Variants in CELF1 observed in about 807,000 individuals in gnomAD.
CELF1 encodes the protein 50 kDa nuclear polyadenylated RNA-binding protein.
In CELF1, 10 loss-of-function variants were observed where a neutral mutation model predicts 61.8. That is an observed-to-expected ratio of 0.16 (90% CI 0.10 to 0.27). The LOEUF is 0.27. Among genes scored for constraint, CELF1 ranks in the 10% least tolerant of loss-of-function variants. CELF1 has a pLI of 1.00. For missense variants in CELF1, 380 were observed against 639.1 expected (o/e 0.59, Z 4.37); for synonymous variants, 236 against 225.1 (o/e 1.05, Z -0.43).
rs2077314192 is a variant in CELF1 at position 47,469,919 on chromosome 11, G to A, written c.*2311C>T. ...CGGAGAGAAGAAGGGGATGTGGGAA[G>A]GGAGTGGCGTTCTGGCTAAGGAGGA... On this transcript the variant is annotated 3_prime_UTR_variant, in exon 15 of 15. Coordinates refer to ENST00000687097, the MANE Select transcript of CELF1 (RefSeq NM_001376376.1). The A allele has an allele frequency of 6.6e-6, 1 of 152,364 alleles. No homozygotes were observed. Among genetic ancestry groups the A allele is most frequent in the African/African-American group, 2.4e-5 (1 of 41,428 alleles). 9.4% of individuals were successfully genotyped at this position (152,364 alleles called of 1,614,324 possible).
chr11:47,537,309 G>A (rs1185292692), intron 1 of CELF1, among the ~76,000 whole-genome samples: 5 of 148,944 alleles, frequency 3.4e-5, no homozygotes, highest in East Asian at 2.0e-4. Context: ...GTGCAGTGGC[G>A]CCATCTTGGC....
intron 7 of CELF1, 109 bp downstream of exon 7, chr11:47,484,280 A>C: frequency 8.3e-7 from 1 of 1,205,284 alleles, no homozygotes; most frequent in Non-Finnish European, 1.2e-6. Context: ...GCACCACTGC[A>C]CTCCAGCCTG....
intron 1 of CELF1, chr11:47,513,624 T>A (rs2095371423): frequency 6.6e-6 from 1 of 151,782 alleles, no homozygotes; most frequent in South Asian, 2.1e-4. Flanking sequence ...CACGCCTAAT[T>A]TTTTGTATTT....
intron 1 of CELF1, among the ~76,000 whole-genome samples, chr11:47,505,848 T>C (rs1209185279): frequency 1.3e-5 from 2 of 148,988 alleles, no homozygotes; most frequent in African/African-American, 2.5e-5. Flanking sequence ...GGCACGAGAA[T>C]TGCCTGAACC....
At chr11:47,518,156 T>G (rs2095658889) in intron 1 of CELF1, among the ~76,000 whole-genome samples, 2 of 152,264 alleles carry the variant, frequency 1.3e-5, no homozygotes, top group South Asian at 4.1e-4. Flanking sequence ...ATTTTTTTCC[T>G]GCTTTGCCTG....
Position 47,477,125 on chromosome 11 carries a change from A to G in CELF1, c.974-166T>C, listed in dbSNP as rs1596168595. On this transcript the variant is annotated intron_variant, in intron 11 of 14. Coordinates refer to ENST00000687097, the MANE Select transcript of CELF1 (RefSeq NM_001376376.1). ...ACAAATAATGGCCACAGCACATTGAAAATCAGGAAGATTTCTCTTAAGTAC... is the reference window on the plus strand; with the variant it reads ...ACAAATAATGGCCACAGCACATTGAGAATCAGGAAGATTTCTCTTAAGTAC... 5.6e-6 allele frequency: 5 copies of G among 893,728 alleles called. No individual in the cohort carries two copies. The East Asian group carries it at 1.3e-4, about 23-fold the overall frequency. The allele number at this position is 893,728 out of a possible 1,614,324, so 55.4% of individuals were successfully genotyped here. A position where few individuals can be genotyped will look rare whatever the true frequency, so the allele number is the denominator to read the frequency against.
chr11:47,524,835 A>G (rs1230560441), intron 1 of CELF1: 2 of 152,238 alleles, frequency 1.3e-5, no homozygotes, highest in Non-Finnish European at 2.9e-5. Context: ...TGAAAGCCCA[A>G]TTATCTCACA....
upstream of CELF1, among the ~76,000 whole-genome samples, chr11:47,553,544 T>C (rs2097190163): frequency 6.6e-6 from 1 of 152,186 alleles, no homozygotes; most frequent in Admixed American, 6.5e-5. Context: ...GTTGAATAAA[T>C]GGATGAGTGA....
intron 3 of CELF1, among the ~76,000 whole-genome samples, chr11:47,491,141 G>C (rs963215280): frequency 6.6e-6 from 1 of 151,514 alleles, no homozygotes; most frequent in Admixed American, 6.6e-5. Flanking sequence ...GGGATTACAG[G>C]GATGAGCCAC....
chr11:47,510,268 C>T (rs766853358), intron 1 of CELF1, among the ~76,000 whole-genome samples: 29 of 152,120 alleles, frequency 1.9e-4, no homozygotes, highest in South Asian at 2.1e-4. Flanking sequence ...AGGTAATAAG[C>T]TCTTTATTCT....
intron 1 of CELF1, among the ~76,000 whole-genome samples, chr11:47,511,332 T>C (rs1049541984): frequency 2.4e-5 from 1 of 40,826 alleles, no homozygotes; most frequent in African/African-American, 9.0e-5. Context: ...CAACTGTCAG[T>C]CTCTCTTGGC....
upstream of CELF1, among the ~76,000 whole-genome samples, chr11:47,554,489 G>T (rs1211433545): frequency 6.6e-6 from 1 of 151,948 alleles, no homozygotes; most frequent in Non-Finnish European, 1.5e-5. Context: ...TATCCACATG[G>T]CTCACTTCCT....
Position 47,553,108 on chromosome 11 carries a change from T to A in CELF1, c.-270A>T. ...GGGAGCCTCCGCGTCCCGCCGCCGCTGCCGCTGCCGCCAGAGCAGAACACC... is the reference window on the plus strand; with the variant it reads ...GGGAGCCTCCGCGTCCCGCCGCCGCAGCCGCTGCCGCCAGAGCAGAACACC... On this transcript the variant is annotated 5_prime_UTR_variant, in exon 1 of 15. Transcript: ENST00000687097. The A allele has an allele frequency of 5.0e-6, 2 of 398,110 alleles. No individual in the cohort carries two copies. The highest frequency in any genetic ancestry group is 8.8e-5 in the Admixed American group (2 of 22,656). 24.7% of individuals were successfully genotyped at this position (398,110 alleles called of 1,614,324 possible). A position where few individuals can be genotyped will look rare whatever the true frequency, so the allele number is the denominator to read the frequency against.
At chr11:47,520,968 A>G (rs1343164505) in intron 1 of CELF1, among the ~76,000 whole-genome samples, 1 of 151,898 alleles carries the variant, frequency 6.6e-6, no homozygotes, top group Non-Finnish European at 1.5e-5. Flanking sequence ...AATGAACTAG[A>G]GGGCCGGGCG....
chr11:47,503,276 T>C (rs891384074), intron 1 of CELF1, among the ~76,000 whole-genome samples: 2 of 152,226 alleles, frequency 1.3e-5, no homozygotes, highest in Admixed American at 6.5e-5. Context: ...GCAATCACAG[T>C]ATGTTTTGCC....
intron 1 of CELF1, among the ~76,000 whole-genome samples, chr11:47,522,809 G>C (rs1181771316): frequency 2.1e-5 from 3 of 146,182 alleles, no homozygotes; most frequent in Non-Finnish European, 4.5e-5. Flanking sequence ...CTGGGCAACA[G>C]AGCGAGACTC....
intron 1 of CELF1, among the ~76,000 whole-genome samples, chr11:47,531,182 T>C (rs1281343412): frequency 6.6e-6 from 1 of 151,940 alleles, no homozygotes; most frequent in Non-Finnish European, 1.5e-5. Flanking sequence ...GGGAGGTCGA[T>C]GTTACAGTGA....
At chr11:47,492,536 C>T (rs771308110) in intron 3 of CELF1, among the ~76,000 whole-genome samples, 8 of 152,078 alleles carry the variant, frequency 5.3e-5, no homozygotes, top group Admixed American at 6.5e-5. Context: ...TCGAGACCAC[C>T]CTGGCCAACA....
At chr11:47,494,274 C>T in intron 3 of CELF1, 1 of 524,738 alleles carries the variant, frequency 1.9e-6, no homozygotes, top group Non-Finnish European at 2.4e-6. Flanking sequence ...GGGATGAAAC[C>T]TACCCCCTCT....
Sources: gnomAD v4.1 joint callset for allele counts (sites outside exome capture counted in the v4.1 genomes callset) on GRCh38, gnomAD v4.1.1 for gene constraint, MANE v1.5 for transcripts, NCBI Gene and HGNC (gene_info 2026-07-23, HGNC 2026-07-21) for gene names.